Variants in PLEKHS1 observed in about 807,000 individuals in gnomAD.
PLEKHS1 encodes the protein pleckstrin homology domain-containing family S member 1.
In PLEKHS1, 55 loss-of-function variants were observed where a neutral mutation model predicts 51.0. That is an observed-to-expected ratio of 1.08 (90% confidence interval 0.87 to 1.35). The LOEUF (loss-of-function observed/expected upper bound fraction) is 1.35. PLEKHS1 is among the 40% of genes most tolerant of loss of function. PLEKHS1 has a pLI of 0.00. For synonymous variants in PLEKHS1, 153 were observed against 144.8 expected (o/e 1.06, Z -0.41); for missense variants, 398 against 423.0 (o/e 0.94, Z 0.52).
At chr10:113,772,450 A>G (rs1844457705) in intron 8 of PLEKHS1, among the ~76,000 whole-genome samples, 1 of 152,142 alleles carries the variant, frequency 6.6e-6, no homozygotes, top group South Asian at 2.1e-4. Context: ...CATTCTTAGC[A>G]GAAAGAATAA....
intron 2 of PLEKHS1, chr10:113,765,122 G>T: frequency 2.6e-6 from 1 of 386,524 alleles, no homozygotes. Context: ...AACTTTGATT[G>T]ACTGCCAAAC....
chr10:113,766,862 TA>T, intron 4 of PLEKHS1, 144 bp downstream of exon 4: 1 of 613,062 alleles, frequency 1.6e-6, no homozygotes, highest in African/African-American at 1.9e-5. Flanking sequence ...GAATAGGAGC[TA>T]AAATAGTGAG....
chr10:113,770,872 T>A (rs919662627), intron 7 of PLEKHS1, among the ~76,000 whole-genome samples: 1 of 152,226 alleles, frequency 6.6e-6, no homozygotes, highest in Non-Finnish European at 1.5e-5. Context: ...TTAACAGTAC[T>A]GTTTGCCTTG....
chr10:113,778,643 C>CTTT (rs55821501), intron 11 of PLEKHS1, among the ~76,000 whole-genome samples: 56,028 of 126,872 alleles, frequency 0.44, 15,215 homozygotes, highest in Admixed American at 0.58. Flanking sequence ...CGTTCACTTT[C>CTTT]TTTTTTTTTT....
chr10:113,768,823 T>C (rs1401216333), exon 6 of PLEKHS1: 2 of 1,613,460 alleles, frequency 1.2e-6, no homozygotes, highest in Non-Finnish European at 1.7e-6. Flanking sequence ...AGGGAGAAGA[T>C]TAAAGACTGG....
At position 113,767,379 on chromosome 10, in the gene PLEKHS1, GA is replaced by G; in HGVS notation, c.263del (p.Lys88ArgfsTer50). On this transcript the variant is annotated frameshift_variant, in exon 5 of 12. Coordinates refer to ENST00000361048, the Ensembl canonical transcript of PLEKHS1. LOFTEE classifies it high-confidence loss of function. ...TGTAGAAGTTGGCATAAGTAGCCAG[GA>G]AAAGATGCAATCTGTGCAGAAGATG... is the stretch of plus-strand genomic sequence containing the variant. 1 of 1,609,960 alleles carries G rather than the reference GA, an allele frequency of 6.2e-7. No individual in the cohort carries two copies. Among genetic ancestry groups the G allele is most frequent in the Non-Finnish European group, 8.5e-7 (1 of 1,177,962 alleles).
intron 8 of PLEKHS1, among the ~76,000 whole-genome samples, chr10:113,773,220 C>CA (rs1025053899): frequency 6.6e-6 from 1 of 152,206 alleles, no homozygotes; most frequent in African/African-American, 2.4e-5. Flanking sequence ...AGATACAACA[C>CA]ATGGCATTTC....
At chr10:113,755,778 G>A (rs1242480601) in intron 2 of PLEKHS1, among the ~76,000 whole-genome samples, 1 of 152,210 alleles carries the variant, frequency 6.6e-6, no homozygotes, top group Non-Finnish European at 1.5e-5. Flanking sequence ...AGCAGGAACT[G>A]TTGGATTCAA....
At chr10:113,766,335 A>G in intron 2 of PLEKHS1, 76 bp from the exon 3 acceptor site, 1 of 877,594 alleles carries the variant, frequency 1.1e-6, no homozygotes, top group Non-Finnish European at 1.8e-6. Flanking sequence ...TCCAGAGATA[A>G]ACAGTGTTTT....
At chr10:113,762,365 C>CTTTTTTTTTTTTTTTTTTTTTCTT (rs1843977957) in intron 2 of PLEKHS1, among the ~76,000 whole-genome samples, 6 of 61,768 alleles carry the variant, frequency 9.7e-5, no homozygotes, top group Non-Finnish European at 1.5e-4. Context: ...AGATTTGTTC[C>CTTTTTTTTTTTTTTTTTTTTTCTT]TTTTTTTTTT....
intron 2 of PLEKHS1, among the ~76,000 whole-genome samples, chr10:113,758,916 T>C (rs1468345013): frequency 6.6e-6 from 1 of 152,098 alleles, no homozygotes; most frequent in Non-Finnish European, 1.5e-5. Context: ...ATTGCCAAAA[T>C]GTGACACAGA....
intron 11 of PLEKHS1, among the ~76,000 whole-genome samples, chr10:113,778,774 G>T (rs368353263): frequency 5.8e-4 from 88 of 152,046 alleles, no homozygotes; most frequent in African/African-American, 2.1e-3. Flanking sequence ...CTCCTGAGTA[G>T]CTGGGACTAC....
downstream of PLEKHS1, chr10:113,782,955 G>T (rs1172891819): frequency 6.6e-6 from 1 of 152,074 alleles, no homozygotes; most frequent in Non-Finnish European, 1.5e-5. Flanking sequence ...AAAAAATCAG[G>T]CTGGACGTGG....
At chr10:113,753,072 T>C (rs570683248) in intron 1 of PLEKHS1, among the ~76,000 whole-genome samples, 1 of 152,176 alleles carries the variant, frequency 6.6e-6, no homozygotes, top group Non-Finnish European at 1.5e-5. Flanking sequence ...TTTAAAATGA[T>C]TTTTTGGCTT....
At chr10:113,761,485 T>C (rs1464072413) in intron 2 of PLEKHS1, among the ~76,000 whole-genome samples, 3 of 152,016 alleles carry the variant, frequency 2.0e-5, no homozygotes, top group African/African-American at 7.2e-5. Flanking sequence ...TGTACCAGTC[T>C]TTTTATCTGC....
intron 2 of PLEKHS1, among the ~76,000 whole-genome samples, chr10:113,758,977 C>T (rs1357648219): frequency 2.6e-5 from 4 of 151,848 alleles, no homozygotes; most frequent in Non-Finnish European, 4.4e-5. Flanking sequence ...TAGACTTGCT[C>T]AGTGCAGGGT....
intron 8 of PLEKHS1, among the ~76,000 whole-genome samples, chr10:113,772,776 T>G (rs901478503): frequency 2.0e-5 from 3 of 152,144 alleles, no homozygotes; most frequent in African/African-American, 7.2e-5. Flanking sequence ...AATAGTTCAG[T>G]GAGGCTGCAA....
intron 11 of PLEKHS1, among the ~76,000 whole-genome samples, chr10:113,779,914 C>T (rs1250258605): frequency 6.6e-6 from 1 of 152,244 alleles, no homozygotes; most frequent in African/African-American, 2.4e-5. Flanking sequence ...TACTTTCCCA[C>T]TGCCTCCATT....
At chr10:113,771,285 A>G (rs553177468) in intron 7 of PLEKHS1, 2 of 152,332 alleles carry the variant, frequency 1.3e-5, no homozygotes, top group Non-Finnish European at 2.9e-5. Context: ...GAAAGGTGCA[A>G]CGCCTTGATT....
Sources: gnomAD v4.1 joint callset for allele counts (sites outside exome capture counted in the v4.1 genomes callset) on GRCh38, gnomAD v4.1.1 for gene constraint, MANE v1.5 for transcripts, NCBI Gene and HGNC (gene_info 2026-07-23, HGNC 2026-07-21) for gene names.